The following BTBD10 variants were observed in gnomAD, a reference collection of about 807,000 sequenced individuals.
The protein encoded by BTBD10 is BTB/POZ domain-containing protein 10.
BTBD10 carries 21 observed loss-of-function variants against 53.2 expected under a neutral mutation model. The observed-to-expected ratio is 0.39, with a 90% CI of 0.28 to 0.57. The LOEUF (loss-of-function observed/expected upper bound fraction) is 0.57. Among genes scored for constraint, BTBD10 ranks in the 20% least tolerant of loss-of-function variants. The pLI, the probability that BTBD10 is intolerant of heterozygous loss-of-function variation, is 0.53. For missense variants in BTBD10, 360 were observed against 594.7 expected, an observed-to-expected ratio of 0.61 and a Z score of 4.10; for synonymous variants, 149 against 192.7, an observed-to-expected ratio of 0.77 and a Z score of 1.88.
rs1950670808 is a variant in BTBD10 at position 13,442,353 on chromosome 11, A to G, written c.101+2671T>C. On this transcript the variant is annotated intron_variant, in intron 2 of 8. Transcript: ENST00000278174. Reference sequence around the variant, plus strand: ...GTTCTATTTTGCATGTATTTAAAATATACCATAATAAATTATGTAAAATTT... The same window carrying G: ...GTTCTATTTTGCATGTATTTAAAATGTACCATAATAAATTATGTAAAATTT... Among the ~76,000 whole-genome samples the G allele has an allele frequency of 2.0e-5, 3 of 152,314 alleles. No individual in the cohort carries two copies. In the South Asian group the frequency reaches 6.2e-4, roughly 32 times the overall value.
intron 1 of BTBD10, among the ~76,000 whole-genome samples, chr11:13,462,148 T>C (rs1393514503): frequency 2.0e-5 from 3 of 152,106 alleles, no homozygotes; most frequent in African/African-American, 4.8e-5. Flanking sequence ...GTCTCTTTCA[T>C]TGAAAATTTA....
rs1431213827 is a variant in BTBD10, at chr11:13,388,258, C to T, written c.*573G>A. ...TGAAATGGCTCTGGAGATAACTGAACTGGTAAGATATGGGCATTAAATCTC... is the reference window on the plus strand; with the variant it reads ...TGAAATGGCTCTGGAGATAACTGAATTGGTAAGATATGGGCATTAAATCTC... On this transcript the variant is annotated 3_prime_UTR_variant, in exon 9 of 9. Coordinates refer to ENST00000278174, the MANE Select transcript of BTBD10 (RefSeq NM_032320.7). 2 of 153,038 alleles carry T rather than the reference C, an allele frequency of 1.3e-5. No homozygotes were observed. Among genetic ancestry groups the T allele is most frequent in the Non-Finnish European group, 2.9e-5 (2 of 68,362 alleles). The allele number at this position is 153,038 out of a possible 1,614,324, so 9.5% of individuals were successfully genotyped here.
intron 8 of BTBD10, among the ~76,000 whole-genome samples, chr11:13,399,422 A>G (rs7926665): frequency 0.46 from 70,125 of 151,856 alleles, 17,155 homozygotes; most frequent in South Asian, 0.62. Flanking sequence ...ACTTCTCTGC[A>G]TTGGTTATTC....
intron 1 of BTBD10, among the ~76,000 whole-genome samples, chr11:13,461,592 A>T (rs1951098436): frequency 6.6e-6 from 1 of 152,220 alleles, no homozygotes. Context: ...CTCCATAGTT[A>T]ATAATTTAAA....
At chr11:13,397,122 G>C (rs1305780612) in intron 8 of BTBD10, among the ~76,000 whole-genome samples, 2 of 152,210 alleles carry the variant, frequency 1.3e-5, no homozygotes, top group African/African-American at 2.4e-5. Context: ...AATGGTACCA[G>C]CTCCTCCTTG....
intron 8 of BTBD10, among the ~76,000 whole-genome samples, chr11:13,401,007 A>T (rs540414594): frequency 3.9e-5 from 6 of 152,204 alleles, no homozygotes; most frequent in Admixed American, 3.9e-4. Flanking sequence ...TGGGGAGACC[A>T]CTGAGAAATT....
chr11:13,398,036 A>G (rs868424758), intron 8 of BTBD10, among the ~76,000 whole-genome samples: 1 of 152,110 alleles, frequency 6.6e-6, no homozygotes, highest in East Asian at 1.9e-4. Flanking sequence ...GGGGTGGGGA[A>G]TTCTGTAGAT....
At position 13,428,802 on chromosome 11, in the gene BTBD10, G is replaced by A. The variant is rs558238788; in HGVS notation, c.102-6964C>T. 5.9e-5 allele frequency among the ~76,000 whole-genome samples: 9 copies of A among 152,184 alleles called. No homozygotes were observed. The South Asian group carries it at 1.9e-3, about 32-fold the overall frequency. On this transcript the variant is annotated intron_variant, in intron 2 of 8. Coordinates refer to ENST00000278174, the MANE Select transcript of BTBD10 (RefSeq NM_032320.7). ...GATTATAGCCAGTGCAATATGGCAA[G>A]AAAAGACATTCAGATTGATTAAGAT...
chr11:13,403,576 C>T (rs1021482185), intron 7 of BTBD10, among the ~76,000 whole-genome samples: 2 of 152,094 alleles, frequency 1.3e-5, no homozygotes, highest in African/African-American at 4.8e-5. Flanking sequence ...ATGGGATCTG[C>T]CCCAAGTTTC....
intron 1 of BTBD10, among the ~76,000 whole-genome samples, chr11:13,455,512 T>G (rs1281055098): frequency 6.6e-6 from 1 of 152,242 alleles, no homozygotes; most frequent in Non-Finnish European, 1.5e-5. Flanking sequence ...ATGATTAGCA[T>G]TGTTAAGTAA....
intron 8 of BTBD10, among the ~76,000 whole-genome samples, chr11:13,396,785 T>C (rs1008623173): frequency 6.6e-6 from 1 of 152,258 alleles, no homozygotes; most frequent in Non-Finnish European, 1.5e-5. Context: ...CTTTTCTGCA[T>C]CTATTGAGAT....
chr11:13,457,593 T>C (rs1296976680), intron 1 of BTBD10, among the ~76,000 whole-genome samples: 1 of 152,190 alleles, frequency 6.6e-6, no homozygotes, highest in Non-Finnish European at 1.5e-5. Context: ...TTTATTTTTG[T>C]AAAGAAAACA....
intron 2 of BTBD10, among the ~76,000 whole-genome samples, chr11:13,434,451 G>C (rs981529564): frequency 1.3e-5 from 2 of 152,222 alleles, no homozygotes; most frequent in East Asian, 1.9e-4. Context: ...TGTGGTAAGA[G>C]TTATCCTTGG....
intron 8 of BTBD10, among the ~76,000 whole-genome samples, chr11:13,401,289 A>T (rs927300853): frequency 6.6e-6 from 1 of 152,104 alleles, no homozygotes; most frequent in African/African-American, 2.4e-5. Flanking sequence ...CACTGCTATT[A>T]TCTCCCTGTG....
At chr11:13,396,935 C>T (rs538658637) in intron 8 of BTBD10, among the ~76,000 whole-genome samples, 58 of 152,200 alleles carry the variant, frequency 3.8e-4, no homozygotes, top group African/African-American at 1.2e-3. Context: ...TTGCTGGATT[C>T]GGTTTGCCAG....
At chr11:13,396,722 T>A (rs950151981) in intron 8 of BTBD10, among the ~76,000 whole-genome samples, 2 of 152,150 alleles carry the variant, frequency 1.3e-5, no homozygotes, top group Admixed American at 1.3e-4. Context: ...TCCATCAATA[T>A]CTAATTTATT....
chr11:13,409,378 T>G (rs1330974901), intron 6 of BTBD10, among the ~76,000 whole-genome samples: 1 of 152,204 alleles, frequency 6.6e-6, no homozygotes, highest in Non-Finnish European at 1.5e-5. Flanking sequence ...AGAGTGTACA[T>G]TCCATTAGAA....
At chr11:13,409,933 T>G (rs1040076874) in intron 6 of BTBD10, among the ~76,000 whole-genome samples, 4 of 152,086 alleles carry the variant, frequency 2.6e-5, no homozygotes, top group Non-Finnish European at 5.9e-5. Flanking sequence ...AATGGTAAAC[T>G]AGAAATGAAT....
intron 2 of BTBD10, among the ~76,000 whole-genome samples, chr11:13,423,271 G>A (rs549443033): frequency 3.8e-4 from 58 of 152,194 alleles, no homozygotes; most frequent in South Asian, 1.5e-3. Context: ...GGAAGTTCAT[G>A]GCTTTAGAGT....
Sources: allele counts gnomAD v4.1 joint callset (sites outside exome capture counted in the v4.1 genomes callset), GRCh38; gene constraint gnomAD v4.1.1; transcripts MANE v1.5; gene names NCBI Gene and HGNC (gene_info 2026-07-23, HGNC 2026-07-21).